CCT3: variants seen among roughly 807,000 people sequenced by gnomAD.
CCT3 encodes chaperonin containing TCP1 subunit 3, also known as T-complex protein 1 subunit gamma.
In CCT3, 10 loss-of-function variants were observed where a neutral mutation model predicts 65.3. The ratio of observed to expected loss-of-function variants is 0.15; its 90% confidence interval spans 0.09 to 0.26. The LOEUF (loss-of-function observed/expected upper bound fraction) is 0.26. Among genes scored for constraint, CCT3 ranks in the 10% least tolerant of loss-of-function variants. CCT3 has a pLI of 1.00. For synonymous variants in CCT3, 225 were observed against 242.3 expected (o/e 0.93, Z 0.66); for missense variants, 626 against 708.7 (o/e 0.88, Z 1.33).
chr1:156,327,182 T>C (rs1303676073), intron 5 of CCT3, among the ~76,000 whole-genome samples: 2 of 152,256 alleles, frequency 1.3e-5, no homozygotes, highest in Non-Finnish European at 2.9e-5. Context: ...AATATTCTTT[T>C]TGTCAAAAGC....
rs1217904946 is a variant in CCT3, at chr1:156,320,918, A to G, written c.530T>C (p.Leu177Pro). 1 of 1,614,004 alleles carries G rather than the reference A, an allele frequency of 6.2e-7. No individual in the cohort carries two copies. Among genetic ancestry groups the G allele is most frequent in the South Asian group, 1.1e-5 (1 of 91,074 alleles). ...AAACTGTACCATCTTGACAGCATCC[A>G]GGGCAATGTTGCAAGCCAAAGATGA... is the stretch of plus-strand genomic sequence containing the variant. ...RWSSLACNIA[L>P]DAVKMVQFEE... Residue 177 changes from leucine to proline, a missense_variant, in exon 7 of 14, where the codon CTG becomes CCG. By Grantham distance (98) the Leu-to-Pro change is moderately conservative (BLOSUM62 -3). Coordinates refer to ENST00000295688, the MANE Select transcript of CCT3 (RefSeq NM_005998.5).
chr1:156,311,677 A>G (rs951281454), intron 11 of CCT3, among the ~76,000 whole-genome samples: 1 of 152,202 alleles, frequency 6.6e-6, no homozygotes, highest in Non-Finnish European at 1.5e-5. Context: ...TATAACTTCA[A>G]CGTAAAAAAT....
chr1:156,336,974 T>C (rs922042181), intron 1 of CCT3: 7 of 596,756 alleles, frequency 1.2e-5, no homozygotes, highest in South Asian at 6.1e-5. Flanking sequence ...TAATGAATAA[T>C]AACTCTGAAA....
intron 5 of CCT3, among the ~76,000 whole-genome samples, chr1:156,332,266 C>T (rs1356074299): frequency 6.6e-6 from 1 of 152,162 alleles, no homozygotes; most frequent in African/African-American, 2.4e-5. Flanking sequence ...CCCACCTTGG[C>T]CTCCCAAAGT....
chr1:156,337,057 TAC>T (rs1289441371), intron 1 of CCT3: 1 of 1,283,174 alleles, frequency 7.8e-7, no homozygotes, highest in African/African-American at 1.5e-5. Context: ...GTACAGAAGT[TAC>T]ACACAGAATG....
At chr1:156,327,901 C>G (rs1664899806) in intron 5 of CCT3, among the ~76,000 whole-genome samples, 1 of 88,816 alleles carries the variant, frequency 1.1e-5, no homozygotes, top group Non-Finnish European at 2.9e-5. Context: ...TGCCCCACCG[C>G]CCCGTCTGGG....
intron 1 of CCT3, 59 bp downstream of exon 1, chr1:156,338,095 A>G: frequency 1.9e-6 from 3 of 1,553,496 alleles, no homozygotes; most frequent in Non-Finnish European, 2.6e-6. Context: ...GCAACACTGA[A>G]AAGTATGGAC....
At chr1:156,329,239 T>G (rs1036387756) in intron 5 of CCT3, among the ~76,000 whole-genome samples, 2 of 151,374 alleles carry the variant, frequency 1.3e-5, no homozygotes, top group Non-Finnish European at 2.9e-5. Context: ...TAAAGTACAC[T>G]CCATGAAGTC....
intron 8 of CCT3, 106 bp downstream of exon 8, chr1:156,318,762 A>C (rs1312006913): frequency 4.8e-6 from 5 of 1,043,632 alleles, no homozygotes; most frequent in Non-Finnish European, 7.0e-6. Context: ...GTCAGTGTAC[A>C]CTATGCACCC....
At chr1:156,334,820 G>A (rs779326100) in intron 3 of CCT3, 45 bp from the exon 4 acceptor site, 2 of 1,613,402 alleles carry the variant, frequency 1.2e-6, no homozygotes, top group East Asian at 2.2e-5. Flanking sequence ...CTAGATAACA[G>A]GAAGAAAAAA....
intron 5 of CCT3, among the ~76,000 whole-genome samples, chr1:156,332,141 C>T (rs1241452105): frequency 2.0e-5 from 3 of 152,194 alleles, no homozygotes; most frequent in South Asian, 2.1e-4. Context: ...TCAGCCTCCC[C>T]AGTAGCTGGG....
intron 7 of CCT3, 125 bp from the exon 8 acceptor site, chr1:156,319,142 T>G: frequency 1.3e-6 from 1 of 747,500 alleles, no homozygotes; most frequent in Non-Finnish European, 2.1e-6. Context: ...AGATGGAGTC[T>G]CGCTCTGTCG....
chr1:156,327,572 C>T (rs565120835), intron 5 of CCT3, among the ~76,000 whole-genome samples: 78 of 152,348 alleles, frequency 5.1e-4, no homozygotes, highest in Admixed American at 1.2e-3. Context: ...GGATTGCAGA[C>T]GGAGTCTCGT....
chr1:156,329,946 A>C (rs575539372), intron 5 of CCT3, among the ~76,000 whole-genome samples: 1 of 151,980 alleles, frequency 6.6e-6, no homozygotes, highest in African/African-American at 2.4e-5. Context: ...CTCGAAAAAA[A>C]AAAAAGCAAA....
At chr1:156,319,659 G>T (rs1381434273) in intron 7 of CCT3, among the ~76,000 whole-genome samples, 2 of 152,056 alleles carry the variant, frequency 1.3e-5, no homozygotes, top group Non-Finnish European at 2.9e-5. Flanking sequence ...ATCCCTTGAG[G>T]CCGGGAGTTC....
chr1:156,337,103 C>T (rs1481871080), intron 1 of CCT3: 1 of 1,284,794 alleles, frequency 7.8e-7, no homozygotes, highest in South Asian at 1.2e-5. Flanking sequence ...GGAGGTGGTG[C>T]TCATCAGAAA....
rs541925460 is a variant in CCT3 at position 156,323,956 on chromosome 1, T to G, written c.422+1016A>C. 4.6e-5 allele frequency among the ~76,000 whole-genome samples: 7 copies of G among 150,698 alleles called. No homozygotes were observed. In the East Asian group the frequency reaches 1.2e-3, roughly 25 times the overall value. On this transcript the variant is annotated intron_variant, in intron 6 of 13. Coordinates refer to ENST00000295688, the MANE Select transcript of CCT3 (RefSeq NM_005998.5). ...TTTTGCATTTTTAGTAGAAATGAGG[T>G]TTCACCATCTTGGCCAGGCTGGTCT...
chr1:156,321,126 C>T, intron 6 of CCT3, 101 bp from the exon 7 acceptor site: 1 of 915,404 alleles, frequency 1.1e-6, no homozygotes. Flanking sequence ...GACCAAGAGG[C>T]AGAACAAGGG....
intron 5 of CCT3, among the ~76,000 whole-genome samples, chr1:156,330,205 A>C (rs984894974): frequency 1.3e-5 from 2 of 152,186 alleles, no homozygotes; most frequent in Non-Finnish European, 2.9e-5. Flanking sequence ...AAAAAATAAA[A>C]AAGAGTATGA....
Sources: allele counts gnomAD v4.1 joint callset (sites outside exome capture counted in the v4.1 genomes callset), GRCh38; gene constraint gnomAD v4.1.1; transcripts MANE v1.5; gene names NCBI Gene and HGNC (gene_info 2026-07-23, HGNC 2026-07-21).